Variants in UGT2B17 observed in about 807,000 individuals in gnomAD.
UGT2B17 encodes UDP-glucuronosyltransferase 2B17.
UGT2B17 carries 21 observed loss-of-function variants against 48.2 expected under a neutral mutation model. The observed-to-expected ratio is 0.44, with a 90% CI of 0.31 to 0.63. UGT2B17 has a LOEUF of 0.63. Among genes scored for constraint, UGT2B17 ranks in the 20% least tolerant of loss-of-function variants. The pLI, the probability that UGT2B17 is intolerant of heterozygous loss-of-function variation, is 0.08. For synonymous variants in UGT2B17, 146 were observed against 238.4 expected, an observed-to-expected ratio of 0.61 and a Z score of 3.57; for missense variants, 402 against 696.1, an observed-to-expected ratio of 0.58 and a Z score of 4.75.
At chr4:68,567,575 A>C (rs62317000) in intron 2 of UGT2B17, among the ~76,000 whole-genome samples, 186 bp downstream of exon 2, 39,846 of 123,766 alleles carry the variant, frequency 0.32, 13,738 homozygotes, top group Admixed American at 0.47. Flanking sequence ...CAGTGATGGC[A>C]CCAGGGTTCT....
chr4:68,541,270 T>TA (rs1730650458), intron 6 of UGT2B17, among the ~76,000 whole-genome samples: 1 of 126,322 alleles, frequency 7.9e-6, no homozygotes, highest in South Asian at 3.7e-4. Flanking sequence ...ACCAAAAATG[T>TA]AAAAGTTTTC....
rs1731086313 is a variant in UGT2B17, at chr4:68,560,608, A to G, written c.934T>C (p.Ser312Pro). The change falls in exon 4 of 7, where the codon TCG becomes CCG. Residue 312 changes from serine (S) to proline (P), a missense_variant. Transcript: ENST00000317746. ...TCTTCTGACATGTTACTGATCATCG[A>G]CCCCAGAGAAAACACCACAATACCA... ...ENGIVVFSLG[S>P]MISNMSEESA... 1 of 1,320,842 alleles carries G rather than the reference A, an allele frequency of 7.6e-7. No individual in the cohort carries two copies. Among genetic ancestry groups the G allele is most frequent in the Middle Eastern group, 2.5e-4 (1 of 3,974 alleles). The allele number at this position is 1,320,842 out of a possible 1,614,324, so 81.8% of individuals were successfully genotyped here. A position where few individuals can be genotyped will look rare whatever the true frequency, so the allele number is the denominator to read the frequency against.
chr4:68,574,520 G>T (rs1731339751), intron 1 of UGT2B17, among the ~76,000 whole-genome samples: 1 of 126,148 alleles, frequency 7.9e-6, no homozygotes, highest in African/African-American at 2.7e-5. Flanking sequence ...CAGAAAAACT[G>T]GATAATACTT....
intron 1 of UGT2B17, among the ~76,000 whole-genome samples, chr4:68,572,376 T>C (rs1218708546): frequency 7.9e-6 from 1 of 126,828 alleles, no homozygotes; most frequent in African/African-American, 2.7e-5. Flanking sequence ...CTTAAAATTG[T>C]TCATAACACA....
chr4:68,563,844 G>GT lies in UGT2B17; in HGVS notation c.873+1727dup, dbSNP rs1011314316. Among the ~76,000 whole-genome samples, 6 of 125,944 alleles carry GT rather than the reference G, an allele frequency of 4.8e-5. 1 individual carries two copies. Among genetic ancestry groups the GT allele is most frequent in the African/African-American group, 1.6e-4 (6 of 36,854 alleles). The allele number at this position is 125,944 out of a possible 152,430, so 82.6% of individuals were successfully genotyped here. On this transcript the variant is annotated intron_variant, in intron 3 of 6. Transcript: ENST00000317746. ...ATTTATATTTAAACAAGCACACAGA[G>GT]TATCTGTTCTCTAGGATTTTGCTAG...
In UGT2B17 at chr4:68,576,191, G is replaced by T. The variant is rs1731372336; in HGVS notation, c.-305C>A. The stretch of plus-strand genomic sequence containing the variant: ...GCCTCAGCCTTCCGTCAGTCACCTT[G>T]CTTCTGGGTCAGGGAGCCAAGAAAT... On this transcript the variant is annotated 5_prime_UTR_variant, in exon 1 of 7. Coordinates refer to ENST00000317746, the MANE Select transcript of UGT2B17 (RefSeq NM_001077.4). Among the ~76,000 whole-genome samples, 1 of 125,488 alleles carries T rather than the reference G, an allele frequency of 8.0e-6. No individual in the cohort carries two copies. Among genetic ancestry groups the T allele is most frequent in the African/African-American group, 2.7e-5 (1 of 36,494 alleles). 82.3% of individuals were successfully genotyped at this position (125,488 alleles called of 152,430 possible).
rs1730811094 is a variant in UGT2B17 at position 68,546,515 on chromosome 4, C to A, written c.1313+4162G>T. On this transcript the variant is annotated intron_variant, in intron 6 of 6. Transcript: ENST00000317746. Reference sequence around the variant, plus strand: ...GAAGCATTCCCTTTGAAGACTGGTACAAGACAGGGATGCCCTCTCTCACCA... The same window carrying A: ...GAAGCATTCCCTTTGAAGACTGGTAAAAGACAGGGATGCCCTCTCTCACCA... Among the ~76,000 whole-genome samples, 2 of 126,036 alleles carry A rather than the reference C, an allele frequency of 1.6e-5. 1 individual carries two copies. The highest frequency in any genetic ancestry group is 1.6e-4 in the Admixed American group (2 of 12,272). 82.7% of individuals were successfully genotyped at this position (126,036 alleles called of 152,430 possible). A position where few individuals can be genotyped will look rare whatever the true frequency, so the allele number is the denominator to read the frequency against.
rs1268004544 is a variant in UGT2B17 at position 68,573,011 on chromosome 4, T to C, written c.-65+2940A>G. Among the ~76,000 whole-genome samples the C allele has an allele frequency of 4.7e-5, 6 of 127,632 alleles. 1 individual carries two copies. Among genetic ancestry groups the C allele is most frequent in the African/African-American group, 1.3e-4 (5 of 37,232 alleles). 83.7% of individuals were successfully genotyped at this position (127,632 alleles called of 152,430 possible). On this transcript the variant is annotated intron_variant, in intron 1 of 6. Coordinates refer to ENST00000317746, the MANE Select transcript of UGT2B17 (RefSeq NM_001077.4). ...AGGGTGTTGCAAACTTCAATGGTTATGTGGGGATTTTCACAATGCAAGCTT... is the reference window on the plus strand; with the variant it reads ...AGGGTGTTGCAAACTTCAATGGTTACGTGGGGATTTTCACAATGCAAGCTT...
chr4:68,548,651 C>T (rs1287115594), intron 6 of UGT2B17, among the ~76,000 whole-genome samples: 1 of 76,574 alleles, frequency 1.3e-5, no homozygotes, highest in African/African-American at 3.0e-5. Flanking sequence ...AATGTTTTTC[C>T]ATTTGTTTGT....
At chr4:68,544,780 G>A (rs1730760322) in intron 6 of UGT2B17, among the ~76,000 whole-genome samples, 1 of 125,358 alleles carries the variant, frequency 8.0e-6, no homozygotes, top group Non-Finnish European at 1.7e-5. Context: ...GCAAAAAAAG[G>A]CAGGGATTAC....
intron 6 of UGT2B17, among the ~76,000 whole-genome samples, chr4:68,539,717 A>C (rs1426082469): frequency 1.6e-5 from 2 of 121,654 alleles, no homozygotes; most frequent in African/African-American, 5.6e-5. Flanking sequence ...ATCTTATACA[A>C]TTTACTTAGC....
intron 1 of UGT2B17, among the ~76,000 whole-genome samples, chr4:68,570,843 G>A (rs183533697): frequency 0.015 from 1,876 of 126,298 alleles, 390 homozygotes; most frequent in African/African-American, 0.049. Flanking sequence ...GGTTGAATCC[G>A]TGCTACACTT....
chr4:68,539,432 T>G (rs1231194013), intron 6 of UGT2B17, among the ~76,000 whole-genome samples: 1 of 125,764 alleles, frequency 8.0e-6, no homozygotes, highest in Non-Finnish European at 1.7e-5. Context: ...AATGGATATT[T>G]GTGTTGTTAA....
At chr4:68,550,231 A>G (rs1730890235) in intron 6 of UGT2B17, among the ~76,000 whole-genome samples, 1 of 124,716 alleles carries the variant, frequency 8.0e-6, no homozygotes, top group African/African-American at 2.7e-5. Context: ...TTAGATTTTA[A>G]ATTTTAGTGA....
chr4:68,559,760 A>G (rs1403276515), intron 4 of UGT2B17, among the ~76,000 whole-genome samples: 2 of 125,824 alleles, frequency 1.6e-5, no homozygotes, highest in African/African-American at 5.5e-5. Flanking sequence ...TCCTTCCTCA[A>G]TGTGGAGAAG....
Position 68,571,168 on chromosome 4 carries a change from G to A in UGT2B17, c.-64-2620C>T, listed in dbSNP as rs1242430800. 1.6e-5 allele frequency among the ~76,000 whole-genome samples: 2 copies of A among 125,266 alleles called. 1 individual carries two copies. The highest frequency in any genetic ancestry group is 3.4e-5 in the Non-Finnish European group (2 of 59,250). The allele number at this position is 125,266 out of a possible 152,430, so 82.2% of individuals were successfully genotyped here. On this transcript the variant is annotated intron_variant, in intron 1 of 6. Transcript: ENST00000317746. ...ATGAGCCATCTTGTGCCTAAGTGGC[G>A]GGTCCATAGTATTGTATGATTTTTT...
intron 3 of UGT2B17, among the ~76,000 whole-genome samples, 183 bp from the exon 4 acceptor site, chr4:68,560,851 T>C (rs1456526617): frequency 7.9e-6 from 1 of 126,526 alleles, no homozygotes; most frequent in Non-Finnish European, 1.7e-5. Flanking sequence ...GGATCTTTCA[T>C]GCAAATTTGT....
chr4:68,564,604 C>T (rs548518618), intron 3 of UGT2B17, among the ~76,000 whole-genome samples: 1 of 125,068 alleles, frequency 8.0e-6, no homozygotes, highest in African/African-American at 2.7e-5. Context: ...TTGACTTTTA[C>T]TCAACCTTTT....
At position 68,537,714 on chromosome 4, in the gene UGT2B17, C is replaced by T. The variant is rs780696179; in HGVS notation, c.1504G>A (p.Val502Met). The T allele has an allele frequency of 1.5e-5, 21 of 1,378,558 alleles. 5 individuals are homozygous for T. The highest frequency in any genetic ancestry group is 1.8e-5 in the Non-Finnish European group (19 of 1,054,646). 85.4% of individuals were successfully genotyped at this position (1,378,558 alleles called of 1,614,324 possible). Residue 502 changes from valine (V) to methionine (M), a missense_variant, in exon 7 of 7, where the codon GTG (valine) becomes ATG (methionine). Physicochemically the swap from Val to Met is conservative, Grantham distance 21. Around this residue, in one of 5 missense-constraint regions of UGT2B17, gnomAD observed 156 missense variants for 258.6 expected, o/e 0.60. Coordinates refer to ENST00000317746, the MANE Select transcript of UGT2B17 (RefSeq NM_001077.4). ...LDVIAFLLAC[V>M]ATMIFMITKC... Reference sequence around the variant, plus strand: ...GTGATCATAAATATCATAGTTGCCACGCAGGCCAGCAGGAATGCTATCACA... The same window carrying T: ...GTGATCATAAATATCATAGTTGCCATGCAGGCCAGCAGGAATGCTATCACA...
Sources: gnomAD v4.1 joint callset for allele counts (sites outside exome capture counted in the v4.1 genomes callset) on GRCh38, gnomAD v4.1.1 for gene constraint, gnomAD v4.1.1 regional missense constraint, MANE v1.5 for transcripts, NCBI Gene and HGNC (gene_info 2026-07-23, HGNC 2026-07-21) for gene names.